Variants in SOS1 observed in about 807,000 individuals in gnomAD.
SOS1 encodes son of sevenless homolog 1.
Under a neutral mutation model 157.6 loss-of-function variants are expected in SOS1, and 25 were observed. That is an observed-to-expected ratio of 0.16 (90% CI 0.12 to 0.22). The LOEUF (loss-of-function observed/expected upper bound fraction) is 0.22, where lower values mean the gene tolerates loss of function less well. Among genes scored for constraint, SOS1 ranks in the 10% least tolerant of loss-of-function variants. The pLI, the probability that SOS1 is intolerant of heterozygous loss-of-function variation, is 1.00. For synonymous variants in SOS1, 528 were observed against 534.0 expected (o/e 0.99, Z 0.16); for missense variants, 1,237 against 1,599.1 (o/e 0.77, Z 3.86).
At chr2:38,986,342 CATTT>C (rs1456438473) in intron 22 of SOS1, 27 bp from the exon 23 acceptor site, 7 of 1,573,802 alleles carry the variant, frequency 4.4e-6, no homozygotes, top group Non-Finnish European at 6.1e-6. Context: ...ATAAAATACA[CATTT>C]ATTAATAAAT....
At chr2:38,997,102 G>A (rs1297153506) in intron 18 of SOS1, 64 bp from the exon 19 acceptor site, 2 of 1,089,000 alleles carry the variant, frequency 1.8e-6, no homozygotes, top group East Asian at 5.2e-5. Context: ...TGAAATTCAT[G>A]GAAAGTTAAG....
At chr2:39,091,535 A>C (rs950253389) in intron 1 of SOS1, among the ~76,000 whole-genome samples, 1 of 152,070 alleles carries the variant, frequency 6.6e-6, no homozygotes, top group African/African-American at 2.4e-5. Context: ...ATTCATGAAC[A>C]AAAAAATGAA....
chr2:39,016,653 C>T (rs1281358397), intron 10 of SOS1, among the ~76,000 whole-genome samples: 2 of 152,040 alleles, frequency 1.3e-5, no homozygotes, highest in African/African-American at 2.4e-5. Context: ...AGCCCATACC[C>T]GCAGTACAGA....
rs964159537 is a variant in SOS1 at position 38,995,150 on chromosome 2, A to C, written c.3319T>G (p.Ser1107Ala). 2 of 1,613,934 alleles carry C rather than the reference A, an allele frequency of 1.2e-6. No homozygotes were observed. Among genetic ancestry groups the C allele is most frequent in the African/African-American group, 2.7e-5 (2 of 74,930 alleles). Reference protein sequence around the residue: ...STTDVCSVFDSDHSSPFHSSN... With the variant: ...STTDVCSVFDADHSSPFHSSN... Reference sequence around the variant, plus strand: ...GAGTGAAAAGGGCTCGAATGATCGGAATCAAATACACTGCAAACATCTGTG... The same window carrying C: ...GAGTGAAAAGGGCTCGAATGATCGGCATCAAATACACTGCAAACATCTGTG... Residue 1107 changes from serine (S) to alanine (A), a missense_variant, in exon 20 of 23, where the codon TCC (serine) becomes GCC (alanine). Physicochemically the swap from Ser to Ala is moderately conservative, Grantham distance 99. Around this residue, in one of 15 missense-constraint regions of SOS1, gnomAD observed 306 missense variants for 322.6 expected, o/e 0.95. Transcript: ENST00000402219.
intron 1 of SOS1, among the ~76,000 whole-genome samples, chr2:39,099,646 C>A (rs796067532): frequency 6.6e-6 from 1 of 152,286 alleles, no homozygotes; most frequent in African/African-American, 2.4e-5. Flanking sequence ...ACTTGGACTA[C>A]ATCAAACTAA....
At chr2:39,058,223 T>C (rs757329686) in intron 3 of SOS1, among the ~76,000 whole-genome samples, 6 of 152,064 alleles carry the variant, frequency 3.9e-5, no homozygotes, top group Non-Finnish European at 8.8e-5. Context: ...CTTATTTACA[T>C]GATAAGTAGG....
At chr2:39,073,748 C>T (rs1671867183) in intron 1 of SOS1, among the ~76,000 whole-genome samples, 1 of 152,196 alleles carries the variant, frequency 6.6e-6, no homozygotes, top group Non-Finnish European at 1.5e-5. Context: ...TATTCAAGAA[C>T]CCCTTGGGTA....
At chr2:39,047,989 G>A (rs1164684063) in intron 6 of SOS1, among the ~76,000 whole-genome samples, 1 of 152,094 alleles carries the variant, frequency 6.6e-6, no homozygotes, top group Non-Finnish European at 1.5e-5. Context: ...ATATACCCCA[G>A]ATATGAGTCT....
intron 1 of SOS1, among the ~76,000 whole-genome samples, chr2:39,079,933 G>C (rs563845115): frequency 7.2e-5 from 11 of 152,168 alleles, no homozygotes; most frequent in African/African-American, 2.4e-4. Flanking sequence ...GGAGGAGGTG[G>C]GTGGGGAAGC....
chr2:39,030,609 T>G (rs1479615365), intron 8 of SOS1, among the ~76,000 whole-genome samples: 1 of 152,078 alleles, frequency 6.6e-6, no homozygotes, highest in Non-Finnish European at 1.5e-5. Context: ...AGCCAGCGTA[T>G]AAAGCCAATG....
intron 17 of SOS1, among the ~76,000 whole-genome samples, chr2:39,005,088 T>C (rs753413727): frequency 5.9e-5 from 9 of 152,224 alleles, no homozygotes; most frequent in Non-Finnish European, 1.3e-4. Context: ...CCTGAAACTA[T>C]AGGTAGTACT....
At chr2:39,022,209 C>A (rs1669819913) in intron 10 of SOS1, among the ~76,000 whole-genome samples, 2 of 151,276 alleles carry the variant, frequency 1.3e-5, no homozygotes, top group Admixed American at 1.3e-4. Flanking sequence ...TATTTATAAT[C>A]TCAGAAATGG....
At chr2:39,049,277 T>A (rs1241365531) in intron 6 of SOS1, among the ~76,000 whole-genome samples, 1 of 152,254 alleles carries the variant, frequency 6.6e-6, no homozygotes, top group Non-Finnish European at 1.5e-5. Context: ...TGTCACATTC[T>A]CAGTGAAGTC....
intron 1 of SOS1, among the ~76,000 whole-genome samples, chr2:39,106,276 TA>T (rs200837438): frequency 2.0e-5 from 3 of 147,892 alleles, no homozygotes; most frequent in African/African-American, 7.5e-5. Flanking sequence ...GTTACAGTTT[TA>T]AAAAAAAAAC....
chr2:39,119,992 A>G (rs1673804265), intron 1 of SOS1, among the ~76,000 whole-genome samples: 1 of 152,218 alleles, frequency 6.6e-6, no homozygotes, highest in South Asian at 2.1e-4. Context: ...GCTCCGGGCT[A>G]AGACCAAGAA....
chr2:39,091,449 A>T (rs902331277), intron 1 of SOS1, among the ~76,000 whole-genome samples: 3 of 152,136 alleles, frequency 2.0e-5, no homozygotes, highest in Non-Finnish European at 4.4e-5. Flanking sequence ...CATAGGTATA[A>T]ATAATCGTCT....
Position 38,995,340 on chromosome 2 carries a change from T to C in SOS1, c.3129A>G (p.Ser1043=), listed in dbSNP as rs1422297188. 18 of 1,613,854 alleles carry C rather than the reference T, an allele frequency of 1.1e-5. No individual in the cohort carries two copies. Among genetic ancestry groups the C allele is most frequent in the Non-Finnish European group, 1.5e-5 (18 of 1,179,758 alleles). The change falls in exon 20 of 23, where the codon TCA becomes TCG. Residue 1043 remains serine, a synonymous_variant. Transcript: ENST00000402219. ...YPLKSPGVRP[S]NPRPGTMRHP... ...GCCTCATGGTACCTGGTCTTGGGTT[T>C]GATGGACGAACACCAGGAGATTTTA...
At chr2:39,078,271 T>G (rs2148163219) in intron 1 of SOS1, among the ~76,000 whole-genome samples, 1 of 152,246 alleles carries the variant, frequency 6.6e-6, no homozygotes, top group East Asian at 1.9e-4. Context: ...CACCTACTAT[T>G]TTGACAAAAA....
intron 1 of SOS1, 91 bp downstream of exon 1, chr2:39,120,245 C>T: frequency 1.7e-6 from 2 of 1,144,058 alleles, no homozygotes; most frequent in Non-Finnish European, 2.3e-6. Flanking sequence ...GGAAGAAAGA[C>T]GGCCCTGCGC....
Sources: allele counts gnomAD v4.1 joint callset (sites outside exome capture counted in the v4.1 genomes callset), GRCh38; gene constraint gnomAD v4.1.1; regional missense constraint gnomAD v4.1.1; transcripts MANE v1.5; gene names NCBI Gene and HGNC (gene_info 2026-07-23, HGNC 2026-07-21).